Variants in CALD1 observed in about 807,000 individuals in gnomAD.
CALD1 encodes caldesmon.
CALD1 carries 33 observed loss-of-function variants against 99.9 expected under a neutral mutation model. That is an observed-to-expected ratio of 0.33 (90% confidence interval 0.25 to 0.44). The LOEUF is 0.44. CALD1 is among the 20% of genes least tolerant of loss of function. The pLI is 1.00. For missense variants in CALD1, 861 were observed against 962.1 expected, an observed-to-expected ratio of 0.89 and a Z score of 1.39; for synonymous variants, 310 against 325.0, an observed-to-expected ratio of 0.95 and a Z score of 0.50.
intron 3 of CALD1, among the ~76,000 whole-genome samples, chr7:134,921,573 A>G (rs1409811782): frequency 6.6e-6 from 1 of 152,224 alleles, no homozygotes; most frequent in Non-Finnish European, 1.5e-5. Context: ...GCACTTTGGG[A>G]GGCCGAGGCG....
Position 134,928,845 on chromosome 7 carries a change from G to A in CALD1, c.163G>A (p.Glu55Lys), listed in dbSNP as rs1227553051. The change falls in exon 4 of 15, where the codon GAG (glutamate) becomes AAG (lysine). Residue 55 changes from glutamate (E) to lysine (K), a missense_variant. Around this residue, in one of 5 missense-constraint regions of CALD1, gnomAD observed 123 missense variants for 169.8 expected, o/e 0.72. Coordinates refer to ENST00000361675, the MANE Select transcript of CALD1 (RefSeq NM_033138.4). ...ACAGGAACGGCTGCGGCAGAAGCAGGAGGAAGAATCCTTGGGACAGGTGAC... is the reference window on the plus strand; with the variant it reads ...ACAGGAACGGCTGCGGCAGAAGCAGAAGGAAGAATCCTTGGGACAGGTGAC... ...ARQERLRQKQ[E>K]EESLGQVTDQ... The A allele has an allele frequency of 2.5e-6, 4 of 1,613,966 alleles. No individual in the cohort carries two copies. Among genetic ancestry groups the A allele is most frequent in the Admixed American group, 1.7e-5 (1 of 59,982 alleles).
In CALD1 at chr7:134,799,836, G is replaced by A. The variant is rs144515872; in HGVS notation, c.-130+20087G>A. Reference sequence around the variant, plus strand: ...TTGCACACAGAGGGGATAGCTGGTGGCTAGATGGAAATTGTGTTCATATGT... The same window carrying A: ...TTGCACACAGAGGGGATAGCTGGTGACTAGATGGAAATTGTGTTCATATGT... On this transcript the variant is annotated intron_variant, in intron 1 of 14. Transcript: ENST00000361675. 6.9e-3 allele frequency among the ~76,000 whole-genome samples: 1,056 copies of A among 152,246 alleles called. 20 individuals carry two copies. The highest frequency in any genetic ancestry group is 0.024 in the African/African-American group (996 of 41,540).
At chr7:134,835,115 G>A (rs1799380688) in intron 1 of CALD1, among the ~76,000 whole-genome samples, 1 of 152,356 alleles carries the variant, frequency 6.6e-6, no homozygotes, top group South Asian at 2.1e-4. Flanking sequence ...ATAAAGTACT[G>A]CCTGCCTTTC....
At chr7:134,752,195 TG>T (rs891502914) in intron 1 of CALD1, among the ~76,000 whole-genome samples, 1 of 152,148 alleles carries the variant, frequency 6.6e-6, no homozygotes, top group Non-Finnish European at 1.5e-5. Context: ...TGAATCATCT[TG>T]GGGGTGTGAC....
intron 9 of CALD1, 135 bp from the exon 10 acceptor site, chr7:134,957,934 C>T (rs1405142496): frequency 1.9e-5 from 13 of 669,150 alleles, no homozygotes; most frequent in Admixed American, 1.4e-4. Flanking sequence ...AGCAGAGCTA[C>T]GCACAGTAAC....
chr7:134,740,717 T>A (rs1332871544), upstream of CALD1, among the ~76,000 whole-genome samples: 1 of 152,168 alleles, frequency 6.6e-6, no homozygotes, highest in Admixed American at 6.5e-5. Context: ...AATAAAGATG[T>A]CTCCTGGTTC....
chr7:134,876,461 C>A (rs897301681), intron 3 of CALD1, among the ~76,000 whole-genome samples: 1 of 152,108 alleles, frequency 6.6e-6, no homozygotes, highest in African/African-American at 2.4e-5. Flanking sequence ...AGAGTGCTTT[C>A]TAAAACTTAA....
intron 3 of CALD1, among the ~76,000 whole-genome samples, chr7:134,896,465 A>T (rs1353051592): frequency 6.6e-6 from 1 of 152,236 alleles, no homozygotes; most frequent in East Asian, 1.9e-4. Flanking sequence ...ATGGCAGAGA[A>T]ATAGGTCACT....
At chr7:134,919,855 CA>C (rs1179899607) in intron 3 of CALD1, among the ~76,000 whole-genome samples, 1 of 152,168 alleles carries the variant, frequency 6.6e-6, no homozygotes, top group African/African-American at 2.4e-5. Context: ...GTATTAATAA[CA>C]GACCAATTCA....
chr7:134,742,933 A>T (rs541135228), upstream of CALD1, among the ~76,000 whole-genome samples: 2 of 152,280 alleles, frequency 1.3e-5, no homozygotes, highest in South Asian at 4.1e-4. Flanking sequence ...GGTCCACCAG[A>T]TATGGAGGCT....
intron 5 of CALD1, 23 bp from the exon 6 acceptor site, chr7:134,935,665 T>G: frequency 1.3e-6 from 2 of 1,596,596 alleles, no homozygotes; most frequent in Non-Finnish European, 1.7e-6. Flanking sequence ...TTGTGTGACC[T>G]TACCATTCTT....
At chr7:134,858,576 A>G (rs1800417245) in intron 2 of CALD1, among the ~76,000 whole-genome samples, 1 of 151,820 alleles carries the variant, frequency 6.6e-6, no homozygotes, top group Non-Finnish European at 1.5e-5. Context: ...GAGTTGAAAG[A>G]TCTCTTTTTT....
chr7:134,771,277 C>T (rs1036968941), intron 1 of CALD1, among the ~76,000 whole-genome samples: 1 of 152,142 alleles, frequency 6.6e-6, no homozygotes, highest in African/African-American at 2.4e-5. Flanking sequence ...GCATATGACA[C>T]TCCCTCCCCT....
chr7:134,872,272 C>T (rs556902249), intron 3 of CALD1, among the ~76,000 whole-genome samples: 29 of 149,356 alleles, frequency 1.9e-4, no homozygotes, highest in African/African-American at 5.9e-4. Context: ...TAAGGAGAAT[C>T]GCTTGAACCT....
chr7:134,791,311 C>T lies in CALD1; in HGVS notation c.-130+11562C>T, dbSNP rs540275229. Among the ~76,000 whole-genome samples the T allele has an allele frequency of 7.0e-4, 107 of 152,308 alleles. 1 individual carries two copies. In the South Asian group the frequency reaches 0.018, roughly 26 times the overall value. ...TCCTGGGTTCAAGCGATTCTTTCAC[C>T]TCAGCCTCCTGAGTAGCTGGGATTA... is the stretch of plus-strand genomic sequence containing the variant. On this transcript the variant is annotated intron_variant, in intron 1 of 14. Coordinates refer to ENST00000361675, the MANE Select transcript of CALD1 (RefSeq NM_033138.4).
chr7:134,911,148 T>C (rs1031221396), intron 3 of CALD1, among the ~76,000 whole-genome samples: 2 of 152,122 alleles, frequency 1.3e-5, no homozygotes, highest in Non-Finnish European at 2.9e-5. Flanking sequence ...TGGTTTAATA[T>C]GGTTTTGTCA....
chr7:134,831,155 G>T (rs1369899450), intron 1 of CALD1, among the ~76,000 whole-genome samples: 6 of 151,814 alleles, frequency 4.0e-5, no homozygotes, highest in African/African-American at 1.5e-4. Context: ...TAAAAAATAT[G>T]TATAATATAA....
At chr7:134,920,391 C>T (rs1429356756) in intron 3 of CALD1, 1 of 466,840 alleles carries the variant, frequency 2.1e-6, no homozygotes, top group Non-Finnish European at 2.8e-6. Context: ...TAAGTTGGAT[C>T]CCAAATTAAG....
At chr7:134,905,014 G>T (rs890129680) in intron 3 of CALD1, among the ~76,000 whole-genome samples, 1 of 152,064 alleles carries the variant, frequency 6.6e-6, no homozygotes, top group African/African-American at 2.4e-5. Flanking sequence ...CCTCAAAAAA[G>T]AAAGAGAAAA....
Sources: allele counts gnomAD v4.1 joint callset (sites outside exome capture counted in the v4.1 genomes callset), GRCh38; gene constraint gnomAD v4.1.1; regional missense constraint gnomAD v4.1.1; transcripts MANE v1.5; gene names NCBI Gene and HGNC (gene_info 2026-07-23, HGNC 2026-07-21).